The following KDM4C variants were observed in gnomAD, a reference collection of about 807,000 sequenced individuals.
The protein encoded by KDM4C is lysine demethylase 4C.
In KDM4C, 81 loss-of-function variants were observed where a neutral mutation model predicts 129.3. The observed-to-expected ratio is 0.63, with a 90% CI of 0.52 to 0.75. KDM4C has a LOEUF of 0.75. Ranked by LOEUF, KDM4C falls within the 30% of genes least tolerant of loss-of-function variation. KDM4C has a pLI of 0.00. For missense variants in KDM4C, 1,457 were observed against 1,304.0 expected (o/e 1.12, Z -1.81); for synonymous variants, 573 against 456.1 (o/e 1.26, Z -3.26).
At chr9:6,969,050 C>T (rs1304738367) in intron 8 of KDM4C, among the ~76,000 whole-genome samples, 2 of 152,036 alleles carry the variant, frequency 1.3e-5, no homozygotes, top group Non-Finnish European at 2.9e-5. Flanking sequence ...ATTCTTGTGC[C>T]TCGGCTTTCT....
chr9:7,067,624 G>T (rs1000188747), intron 17 of KDM4C, among the ~76,000 whole-genome samples: 2 of 152,076 alleles, frequency 1.3e-5, no homozygotes, highest in East Asian at 1.9e-4. Context: ...AAGACTCTTG[G>T]TCTTTATTTT....
At chr9:7,153,462 G>A (rs889516024) in intron 19 of KDM4C, among the ~76,000 whole-genome samples, 9 of 152,150 alleles carry the variant, frequency 5.9e-5, no homozygotes, top group Non-Finnish European at 2.9e-5. Context: ...ACACTGGGGG[G>A]TATTGAAAAC....
Position 6,805,629 on chromosome 9 carries a change from C to G in KDM4C, c.175C>G (p.Gln59Glu). ...VIPPKEWKPR[Q>E]CYDDIDNLLI... ...TCCTCCTAAGGAGTGGAAGCCAAGA[C>G]AGTGCTATGATGACATTGATAATTT... The change falls in exon 3 of 22, where the codon CAG becomes GAG. Residue 59 changes from glutamine (Q) to glutamate (E), a missense_variant. Gln to Glu is a conservative substitution (Grantham distance 29). Transcript: ENST00000381309. 6.2e-7 allele frequency: 1 copy of G among 1,613,374 alleles called. No individual in the cohort carries two copies. Among genetic ancestry groups the G allele is most frequent in the Admixed American group, 1.7e-5 (1 of 59,892 alleles).
At chr9:6,779,010 C>T (rs1423491581) in intron 1 of KDM4C, among the ~76,000 whole-genome samples, 1 of 141,110 alleles carries the variant, frequency 7.1e-6, no homozygotes, top group African/African-American at 2.7e-5. Context: ...GCCTGAGCTA[C>T]CTCACCAGGC....
intron 2 of KDM4C, among the ~76,000 whole-genome samples, chr9:6,801,470 A>G (rs1232361425): frequency 6.6e-6 from 1 of 150,698 alleles, no homozygotes; most frequent in Admixed American, 6.6e-5. Flanking sequence ...ATCTCCTGAC[A>G]TCGTGATCCA....
intron 1 of KDM4C, among the ~76,000 whole-genome samples, chr9:6,733,174 C>T (rs773793982): frequency 3.3e-5 from 5 of 152,166 alleles, no homozygotes; most frequent in Non-Finnish European, 5.9e-5. Context: ...CTAAGACAAA[C>T]CAAATTTGAC....
chr9:6,858,119 A>C (rs1840223822), intron 5 of KDM4C, among the ~76,000 whole-genome samples: 1 of 152,020 alleles, frequency 6.6e-6, no homozygotes, highest in African/African-American at 2.4e-5. Flanking sequence ...TATGCCTGGC[A>C]GTAACCTGCT....
chr9:6,725,163 A>G (rs1343754049), intron 1 of KDM4C, among the ~76,000 whole-genome samples: 1 of 152,020 alleles, frequency 6.6e-6, no homozygotes, highest in Middle Eastern at 3.2e-3. Context: ...TGATCCCCTT[A>G]TCCTTGAGGG....
intron 8 of KDM4C, among the ~76,000 whole-genome samples, chr9:6,937,651 T>A (rs1323366177): frequency 6.6e-6 from 1 of 152,170 alleles, no homozygotes; most frequent in Non-Finnish European, 1.5e-5. Flanking sequence ...AGAACATTGC[T>A]TCCTGAGGTC....
intron 19 of KDM4C, among the ~76,000 whole-genome samples, chr9:7,135,618 T>G (rs1841120209): frequency 6.6e-6 from 1 of 152,128 alleles, no homozygotes. Context: ...TGTTGAACAC[T>G]GTGTTAGGCA....
intron 8 of KDM4C, among the ~76,000 whole-genome samples, chr9:6,955,033 A>G (rs937189832): frequency 1.3e-5 from 2 of 152,224 alleles, no homozygotes; most frequent in African/African-American, 4.8e-5. Context: ...ATGATGTACT[A>G]AAGGAATTTT....
chr9:7,076,513 A>G (rs1056423941), intron 17 of KDM4C: 12 of 1,547,110 alleles, frequency 7.8e-6, no homozygotes, highest in South Asian at 1.2e-5. Flanking sequence ...ACATCAATTC[A>G]TTAGGAAAGT....
At chr9:6,914,937 G>A (rs1820032194) in intron 8 of KDM4C, among the ~76,000 whole-genome samples, 1 of 152,204 alleles carries the variant, frequency 6.6e-6, no homozygotes, top group African/African-American at 2.4e-5. Flanking sequence ...CTTTGTTAAA[G>A]CTGCCCAAAT....
At chr9:7,108,135 A>G (rs182936999) in intron 18 of KDM4C, among the ~76,000 whole-genome samples, 6 of 152,274 alleles carry the variant, frequency 3.9e-5, no homozygotes, top group Non-Finnish European at 8.8e-5. Flanking sequence ...AAACTTGTCT[A>G]GGATCTTGTT....
At chr9:6,843,828 A>T (rs1227534137) in intron 4 of KDM4C, among the ~76,000 whole-genome samples, 1 of 152,188 alleles carries the variant, frequency 6.6e-6, no homozygotes, top group African/African-American at 2.4e-5. Flanking sequence ...GTCTAAAAAA[A>T]TCTTTTTTGT....
intron 15 of KDM4C, among the ~76,000 whole-genome samples, chr9:7,032,757 G>C (rs2132380475): frequency 6.6e-6 from 1 of 152,222 alleles, no homozygotes; most frequent in Admixed American, 6.5e-5. Context: ...TTTTGTTTTT[G>C]GAGGGGAAAG....
chr9:6,754,246 CTT>C (rs949709327), upstream of KDM4C, among the ~76,000 whole-genome samples: 1 of 150,202 alleles, frequency 6.7e-6, no homozygotes, highest in African/African-American at 2.5e-5. Flanking sequence ...GAGTTTTGCT[CTT>C]GTCATCGAGG....
chr9:7,170,493 G>A, intron 21 of KDM4C: 1 of 980,812 alleles, frequency 1.0e-6, no homozygotes, highest in Non-Finnish European at 1.2e-6. Context: ...ACCATTAAAA[G>A]ATGAACAAAC....
intron 1 of KDM4C, among the ~76,000 whole-genome samples, chr9:6,745,594 A>T (rs1817847148): frequency 6.6e-6 from 1 of 151,922 alleles, no homozygotes. Context: ...AAAAAAAAAA[A>T]AAAATGCCAT....
Sources: allele counts gnomAD v4.1 joint callset (sites outside exome capture counted in the v4.1 genomes callset), GRCh38; gene constraint gnomAD v4.1.1; transcripts MANE v1.5; gene names NCBI Gene and HGNC (gene_info 2026-07-23, HGNC 2026-07-21).